The following KIAA0586 variants were observed in gnomAD, a reference collection of about 807,000 sequenced individuals.
The protein encoded by KIAA0586 is KIAA0586, also known as protein TALPID3.
In KIAA0586, 144 loss-of-function variants were observed where a neutral mutation model predicts 169.8. The ratio of observed to expected loss-of-function variants is 0.85; its 90% CI spans 0.74 to 0.97. KIAA0586 has a LOEUF of 0.97. KIAA0586 is among the 50% of genes least tolerant of loss of function. The pLI is 0.00. For missense variants in KIAA0586, 1,854 were observed against 1,823.0 expected (o/e 1.02, Z -0.31); for synonymous variants, 625 against 612.4 (o/e 1.02, Z -0.30).
At chr14:58,484,900 A>ATATATATATATTTT (rs2042297287) in intron 21 of KIAA0586, among the ~76,000 whole-genome samples, 5 of 9,166 alleles carry the variant, frequency 5.5e-4, no homozygotes, top group Non-Finnish European at 1.0e-3. Flanking sequence ...TTATATATAT[A>ATATATATATATTTT]TATATATATA....
At chr14:58,495,096 TCTTTTTC>T in intron 26 of KIAA0586, among the ~76,000 whole-genome samples, 1 of 152,100 alleles carries the variant, frequency 6.6e-6, no homozygotes, top group African/African-American at 2.4e-5. Context: ...ATCTATGGGT[TCTTTTTC>T]ACCTCTGTAG....
Position 58,488,717 on chromosome 14 carries a change from C to T in KIAA0586, c.3624C>T (p.Ala1208=), listed in dbSNP as rs367676896. The change falls in exon 24 of 31, where the codon GCC becomes GCT. Residue 1208 remains alanine (A), a synonymous_variant. Coordinates refer to ENST00000652326, the MANE Select transcript of KIAA0586 (RefSeq NM_001329943.3). ...PEPVPFMPFP[A]GTKAPSPSQM... ...CAGTTCCCTTTATGCCATTTCCTGC[C>T]GGCACCAAGGCCCCTTCCCCCTCAC... 17 of 1,613,716 alleles carry T rather than the reference C, an allele frequency of 1.1e-5. No individual in the cohort carries two copies. Among genetic ancestry groups the T allele is most frequent in the African/African-American group, 9.3e-5 (7 of 74,888 alleles).
chr14:58,443,735 T>C (rs1296861353), intron 5 of KIAA0586, among the ~76,000 whole-genome samples: 2 of 152,158 alleles, frequency 1.3e-5, no homozygotes, highest in East Asian at 3.9e-4. Flanking sequence ...TTTTTTTTTC[T>C]TTTGTTTGAG....
chr14:58,462,142 A>G (rs1241345673), intron 14 of KIAA0586, among the ~76,000 whole-genome samples: 1 of 152,224 alleles, frequency 6.6e-6, no homozygotes, highest in Non-Finnish European at 1.5e-5. Context: ...CAGGTTATAT[A>G]GAAATTTTAC....
At chr14:58,555,858 C>A (rs984487847), downstream of KIAA0586, among the ~76,000 whole-genome samples, 5 of 152,088 alleles carry the variant, frequency 3.3e-5, no homozygotes, top group African/African-American at 1.2e-4. Flanking sequence ...AATTTTCCTT[C>A]CAAGTGGGGA....
chr14:58,448,470 A>G lies in KIAA0586; in HGVS notation c.938A>G (p.Tyr313Cys), dbSNP rs191232589. 29 of 1,608,920 alleles carry G rather than the reference A, an allele frequency of 1.8e-5. No individual in the cohort carries two copies. Among genetic ancestry groups the G allele is most frequent in the African/African-American group, 1.6e-4 (12 of 74,882 alleles). ...CTTGGTAGCTGTAATCCATCTTTAT[A>G]TAACACATTTGCTTCCAAACAAGGT... ...PNLGSCNPSL[Y>C]NTFASKQAPL... Residue 313 changes from tyrosine (Y) to cysteine (C), a missense_variant, in exon 7 of 31, where the codon TAT (tyrosine) becomes TGT (cysteine). Tyr to Cys is a radical substitution (Grantham distance 194). Coordinates refer to ENST00000652326, the MANE Select transcript of KIAA0586 (RefSeq NM_001329943.3).
chr14:58,433,462 G>T (rs1300897407), intron 4 of KIAA0586: 1 of 152,194 alleles, frequency 6.6e-6, no homozygotes, highest in African/African-American at 2.4e-5. Context: ...TTTGCTGAAT[G>T]TATCCTTTTG....
intron 19 of KIAA0586, 87 bp downstream of exon 19, chr14:58,474,884 G>A: frequency 1.0e-6 from 1 of 987,474 alleles, no homozygotes; most frequent in Non-Finnish European, 1.5e-6. Context: ...AATATTCCTT[G>A]TCTTCTTTTG....
chr14:58,559,439 AAAGTGT>A, the KIAA0586 span, among the ~76,000 whole-genome samples: 1 of 152,116 alleles, frequency 6.6e-6, no homozygotes, highest in Non-Finnish European at 1.5e-5. Flanking sequence ...TCCTCCTTTC[AAAGTGT>A]AAGTATTCTC....
chr14:58,524,206 G>A lies in KIAA0586; in HGVS notation c.4429+11579G>A, dbSNP rs373045634. 2.6e-5 allele frequency among the ~76,000 whole-genome samples: 4 copies of A among 152,288 alleles called. 1 individual carries two copies. ...CGGTGAGTGATCTCTCCATTCAGAA[G>A]TGTGCAGTCTTAATGTATGGCTGTA... On this transcript the variant is annotated intron_variant, in intron 29 of 30. Coordinates refer to ENST00000652326, the MANE Select transcript of KIAA0586 (RefSeq NM_001329943.3).
intron 21 of KIAA0586, 115 bp downstream of exon 21, chr14:58,482,827 G>T: frequency 5.3e-6 from 4 of 754,710 alleles, no homozygotes; most frequent in Non-Finnish European, 7.8e-6. Context: ...TTAGAGACAT[G>T]GTCTTTATTT....
At chr14:58,500,405 G>A (rs1171083689) in intron 27 of KIAA0586, among the ~76,000 whole-genome samples, 4 of 152,026 alleles carry the variant, frequency 2.6e-5, no homozygotes, top group African/African-American at 9.7e-5. Context: ...GAGCCTTTTT[G>A]TGCTTAGAAA....
chr14:58,533,554 T>C (rs1048248128), intron 29 of KIAA0586, among the ~76,000 whole-genome samples: 1 of 152,198 alleles, frequency 6.6e-6, no homozygotes, highest in African/African-American at 2.4e-5. Context: ...GCCAATTGTT[T>C]TCATTTGTGT....
chr14:58,531,251 C>T (rs1406343215), intron 29 of KIAA0586, among the ~76,000 whole-genome samples: 1 of 149,722 alleles, frequency 6.7e-6, no homozygotes, highest in African/African-American at 2.5e-5. Context: ...GGCCTGAACC[C>T]AGAAGGCAGA....
chr14:58,556,849 G>A, the KIAA0586 span, among the ~76,000 whole-genome samples: 5 of 152,020 alleles, frequency 3.3e-5, no homozygotes, highest in Admixed American at 6.6e-5. Flanking sequence ...GGGTTCAGGC[G>A]ATTCTCCTGC....
At chr14:58,498,296 C>G (rs1296249613) in intron 26 of KIAA0586, among the ~76,000 whole-genome samples, 1 of 151,986 alleles carries the variant, frequency 6.6e-6, no homozygotes, top group Non-Finnish European at 1.5e-5. Context: ...CTGCCTCAGC[C>G]CCTTAAGTAA....
chr14:58,430,832 C>T (rs1227897625), intron 3 of KIAA0586, 115 bp downstream of exon 3: 2 of 598,776 alleles, frequency 3.3e-6, no homozygotes, highest in Non-Finnish European at 5.8e-6. Flanking sequence ...GTTGTACAAT[C>T]ATCATCACCT....
At chr14:58,508,811 G>A in intron 28 of KIAA0586, 102 bp downstream of exon 28, 5 of 819,566 alleles carry the variant, frequency 6.1e-6, no homozygotes, top group East Asian at 2.7e-5. Context: ...GAGTCAGATA[G>A]CTTCAAATCA....
intron 30 of KIAA0586, 45 bp from the exon 31 acceptor site, chr14:58,547,736 C>T (rs367667869): frequency 1.7e-5 from 21 of 1,245,362 alleles, no homozygotes; most frequent in African/African-American, 3.0e-5. Context: ...CACGTAAATA[C>T]TCAGGTTACG....
Sources: gnomAD v4.1 joint callset for allele counts (sites outside exome capture counted in the v4.1 genomes callset) on GRCh38, gnomAD v4.1.1 for gene constraint, MANE v1.5 for transcripts, NCBI Gene and HGNC (gene_info 2026-07-23, HGNC 2026-07-21) for gene names.